The following SPTA1 variants were observed in gnomAD, a reference collection of about 807,000 sequenced individuals.
SPTA1 encodes spectrin alpha, erythrocytic 1.
In SPTA1, 177 loss-of-function variants were observed where a neutral mutation model predicts 324.7. The ratio of observed to expected loss-of-function variants is 0.55; its 90% CI spans 0.48 to 0.62. The LOEUF (loss-of-function observed/expected upper bound fraction) is 0.62. SPTA1 is among the 20% of genes least tolerant of loss of function. The pLI, the probability that SPTA1 is intolerant of heterozygous loss-of-function variation, is 0.00. For synonymous variants in SPTA1, 1,195 were observed against 1,041.3 expected (o/e 1.15, Z -2.84); for missense variants, 3,162 against 2,883.6 (o/e 1.10, Z -2.21).
chr1:158,674,501 C>T (rs1557986457), intron 9 of SPTA1, 39 bp downstream of exon 9: 1 of 1,614,050 alleles, frequency 6.2e-7, no homozygotes, highest in East Asian at 2.2e-5. Context: ...AGCCAAATAA[C>T]CTGCCCCCTC....
chr1:158,622,157 C>A (rs571202289), intron 43 of SPTA1, among the ~76,000 whole-genome samples: 21 of 152,336 alleles, frequency 1.4e-4, no homozygotes, highest in South Asian at 1.0e-3. Flanking sequence ...AGCCACTGCA[C>A]CTGGCCTCCT....
At chr1:158,619,621 T>C (rs1449593617) in intron 44 of SPTA1, among the ~76,000 whole-genome samples, 1 of 152,148 alleles carries the variant, frequency 6.6e-6, no homozygotes, top group Non-Finnish European at 1.5e-5. Context: ...TAATTTCTTT[T>C]GGGGAAATTT....
In SPTA1 at chr1:158,651,475, G is replaced by A. The variant is rs551904498; in HGVS notation, c.3376-7C>T. The A allele has an allele frequency of 5.0e-6, 8 of 1,586,134 alleles. No homozygotes were observed. The Admixed American group carries it at 1.2e-4, about 23-fold the overall frequency. On this transcript the variant is annotated splice_region_variant and splice_polypyrimidine_tract_variant and intron_variant, in intron 23 of 51. Transcript: ENST00000643759. Reference sequence around the variant, plus strand: ...GCTCATTGGTATTCAAATCCTGAATGGGAAAATTCATCCAAAGCAGTGTAA... The same window carrying A: ...GCTCATTGGTATTCAAATCCTGAATAGGAAAATTCATCCAAAGCAGTGTAA...
intron 5 of SPTA1, among the ~76,000 whole-genome samples, chr1:158,679,036 C>A (rs997673690): frequency 6.6e-6 from 1 of 152,076 alleles, no homozygotes; most frequent in African/African-American, 2.4e-5. Context: ...AAATTTCAGG[C>A]ATTTTTGCAA....
chr1:158,639,468 C>G, intron 35 of SPTA1, 114 bp downstream of exon 35: 1 of 1,072,780 alleles, frequency 9.3e-7, no homozygotes, highest in Non-Finnish European at 1.4e-6. Flanking sequence ...TGGTTGAGAA[C>G]ACTAAGAACA....
chr1:158,641,926 G>A (rs1226573178), intron 33 of SPTA1, among the ~76,000 whole-genome samples: 4 of 152,238 alleles, frequency 2.6e-5, no homozygotes, highest in Non-Finnish European at 4.4e-5. Flanking sequence ...TCCCACAATG[G>A]TAGACTGGAT....
chr1:158,642,677 A>C, intron 32 of SPTA1, 135 bp from the exon 33 acceptor site: 1 of 1,563,370 alleles, frequency 6.4e-7, no homozygotes, highest in Non-Finnish European at 8.8e-7. Context: ...AACCTGCTCC[A>C]CATCAGACTC....
At chr1:158,667,214 T>C (rs1404982736) in intron 15 of SPTA1, among the ~76,000 whole-genome samples, 6 of 152,174 alleles carry the variant, frequency 3.9e-5, no homozygotes, top group Non-Finnish European at 7.3e-5. Context: ...AAAAGTTATG[T>C]TTATAGATGA....
chr1:158,661,451 G>T (rs113455404), intron 17 of SPTA1, 42 bp from the exon 18 acceptor site: 2 of 1,613,052 alleles, frequency 1.2e-6, no homozygotes, highest in Non-Finnish European at 8.5e-7. Context: ...TTATCCTGGT[G>T]TATGGAAGTA....
At chr1:158,679,897 G>A (rs1193251266) in intron 5 of SPTA1, among the ~76,000 whole-genome samples, 1 of 152,100 alleles carries the variant, frequency 6.6e-6, no homozygotes, top group Non-Finnish European at 1.5e-5. Flanking sequence ...TCCTACTCCA[G>A]CACTCATTCA....
Position 158,658,747 on chromosome 1 carries a change from G to A in SPTA1, c.2588-1053C>T, listed in dbSNP as rs77563719. On this transcript the variant is annotated intron_variant, in intron 18 of 51. Coordinates refer to ENST00000643759, the MANE Select transcript of SPTA1 (RefSeq NM_003126.4). ...AGAGAAAAGCTTTAAAACAGGTAGAGGGGGAAAAAAAGACATATTACATAC... is the reference window on the plus strand; with the variant it reads ...AGAGAAAAGCTTTAAAACAGGTAGAAGGGGAAAAAAAGACATATTACATAC... Among the ~76,000 whole-genome samples, 1,060 of 152,030 alleles carry A rather than the reference G, an allele frequency of 7.0e-3. 13 individuals carry two copies. The highest frequency in any genetic ancestry group is 0.025 in the African/African-American group (1,026 of 41,482).
At chr1:158,642,646 A>C in intron 32 of SPTA1, 104 bp from the exon 33 acceptor site, 2 of 1,576,612 alleles carry the variant, frequency 1.3e-6, no homozygotes, top group Non-Finnish European at 1.7e-6. Flanking sequence ...ATCATAACTG[A>C]GGTGACGGTG....
intron 24 of SPTA1, among the ~76,000 whole-genome samples, chr1:158,650,999 T>C (rs1652387043): frequency 1.3e-5 from 2 of 152,224 alleles, no homozygotes; most frequent in African/African-American, 4.8e-5. Flanking sequence ...AAATCTAATT[T>C]ACCTAATGTC....
rs551383440 is a variant in SPTA1, at chr1:158,662,715, A to G, written c.2451T>C (p.Thr817=). The G allele has an allele frequency of 6.2e-7, 1 of 1,613,886 alleles. No homozygotes were observed. Among genetic ancestry groups the G allele is most frequent in the Admixed American group, 1.7e-5 (1 of 60,020 alleles). ...AWIQETEPSA[T]STYLGKDLIA... ...GGCTGTACTAACCAAGGTAGGTGGAAGTAGCTGAGGGTTCAGTCTCTTGGA... is the reference window on the plus strand; with the variant it reads ...GGCTGTACTAACCAAGGTAGGTGGAGGTAGCTGAGGGTTCAGTCTCTTGGA... Residue 817 remains threonine, a synonymous_variant, in exon 17 of 52, where the codon ACT becomes ACC. Coordinates refer to ENST00000643759, the MANE Select transcript of SPTA1 (RefSeq NM_003126.4).
chr1:158,646,267 T>C (rs974225955), intron 27 of SPTA1, among the ~76,000 whole-genome samples: 3 of 152,166 alleles, frequency 2.0e-5, no homozygotes, highest in African/African-American at 7.2e-5. Context: ...GCATATATGG[T>C]GTATAAATTA....
intron 1 of SPTA1, 39 bp downstream of exon 1, chr1:158,686,455 A>G (rs769932407): frequency 7.4e-7 from 1 of 1,354,086 alleles, no homozygotes; most frequent in Non-Finnish European, 1.1e-6. Flanking sequence ...TCCTAATAAT[A>G]TTAATGACAA....
chr1:158,670,624 C>T (rs1321562588), intron 12 of SPTA1, among the ~76,000 whole-genome samples: 1 of 152,078 alleles, frequency 6.6e-6, no homozygotes, highest in African/African-American at 2.4e-5. Context: ...TAGGAACAGC[C>T]AGAGACATAC....
chr1:158,681,775 T>A, intron 3 of SPTA1, 108 bp from the exon 4 acceptor site: 1 of 1,410,484 alleles, frequency 7.1e-7, no homozygotes, highest in South Asian at 1.2e-5. Context: ...TCTCAGTTAC[T>A]CATGCATTAG....
chr1:158,681,721 C>A, intron 3 of SPTA1, 54 bp from the exon 4 acceptor site: 2 of 1,611,348 alleles, frequency 1.2e-6, no homozygotes, highest in Non-Finnish European at 1.7e-6. Context: ...AGCAGGGAAA[C>A]ACTCAGAGAC....
Sources: gnomAD v4.1 joint callset for allele counts (sites outside exome capture counted in the v4.1 genomes callset) on GRCh38, gnomAD v4.1.1 for gene constraint, MANE v1.5 for transcripts, NCBI Gene and HGNC (gene_info 2026-07-23, HGNC 2026-07-21) for gene names.